The following FGF14 variants were observed in gnomAD, a reference collection of about 807,000 sequenced individuals.
The protein encoded by FGF14 is fibroblast growth factor homologous factor 4.
A neutral mutation model predicts 25.5 loss-of-function variants in FGF14; 5 were observed. The observed-to-expected ratio is 0.20, with a 90% confidence interval of 0.10 to 0.41. The LOEUF (loss-of-function observed/expected upper bound fraction) is 0.41. FGF14 is among the 10% of genes least tolerant of loss of function. The pLI is 1.00. For missense variants in FGF14, 222 were observed against 320.1 expected (o/e 0.69, Z 2.34); for synonymous variants, 138 against 118.3 (o/e 1.17, Z -1.08).
At chr13:102,125,981 C>T (rs570177238) in intron 1 of FGF14, among the ~76,000 whole-genome samples, 2 of 152,222 alleles carry the variant, frequency 1.3e-5, no homozygotes, top group African/African-American at 4.8e-5. Context: ...TTACTTCTCA[C>T]CCAAACCAGC....
At chr13:102,037,512 A>G (rs1018265519) in intron 1 of FGF14, among the ~76,000 whole-genome samples, 9 of 152,106 alleles carry the variant, frequency 5.9e-5, no homozygotes, top group Admixed American at 1.3e-4. Context: ...AATCCAGGAA[A>G]ATCTCCCTAT....
At chr13:102,235,207 AT>A (rs1303989263) in intron 1 of FGF14, among the ~76,000 whole-genome samples, 1 of 152,188 alleles carries the variant, frequency 6.6e-6, no homozygotes, top group Non-Finnish European at 1.5e-5. Context: ...ATCTATTTAT[AT>A]TTTTCTGTAA....
At chr13:101,930,680 T>C (rs1022292800) in intron 1 of FGF14, among the ~76,000 whole-genome samples, 2 of 152,224 alleles carry the variant, frequency 1.3e-5, no homozygotes, top group African/African-American at 4.8e-5. Context: ...CATATCATTG[T>C]AGATTCAAAC....
At chr13:102,252,136 T>C (rs138601575) in intron 1 of FGF14, among the ~76,000 whole-genome samples, 155 of 152,108 alleles carry the variant, frequency 1.0e-3, no homozygotes, top group African/African-American at 3.5e-3. Flanking sequence ...TGCAACCAAA[T>C]AGAAAAAGAA....
intron 1 of FGF14, among the ~76,000 whole-genome samples, chr13:102,314,520 G>A (rs2055925850): frequency 1.3e-5 from 2 of 152,040 alleles, no homozygotes; most frequent in African/African-American, 4.8e-5. Context: ...TACTGTACTA[G>A]ATACAAGGAT....
intron 1 of FGF14, among the ~76,000 whole-genome samples, chr13:102,396,196 A>T (rs2058578994): frequency 6.6e-6 from 1 of 152,102 alleles, no homozygotes; most frequent in South Asian, 2.1e-4. Context: ...CCCTGTCCCT[A>T]TTTACAGGAG....
intron 1 of FGF14, among the ~76,000 whole-genome samples, chr13:102,176,156 T>C (rs2048440995): frequency 6.6e-6 from 1 of 152,108 alleles, no homozygotes; most frequent in South Asian, 2.1e-4. Context: ...AGCAAAGCCA[T>C]GAAGTCAACC....
chr13:102,236,570 G>A (rs2051336680), intron 1 of FGF14, among the ~76,000 whole-genome samples: 1 of 152,110 alleles, frequency 6.6e-6, no homozygotes, highest in Admixed American at 6.5e-5. Context: ...ACAAGTGAGT[G>A]GAGTTTTCCA....
chr13:102,295,421 GC>G (rs1324394001), intron 1 of FGF14, among the ~76,000 whole-genome samples: 1 of 152,138 alleles, frequency 6.6e-6, no homozygotes, highest in African/African-American at 2.4e-5. Context: ...CCCCTTAGCA[GC>G]CTTAAGTTTT....
At chr13:101,943,648 A>C (rs2035592377) in intron 1 of FGF14, among the ~76,000 whole-genome samples, 1 of 152,052 alleles carries the variant, frequency 6.6e-6, no homozygotes, top group South Asian at 2.1e-4. Context: ...ACACTTGCAC[A>C]AACTCCGTAA....
chr13:101,879,660 C>A (rs896535164), intron 1 of FGF14, among the ~76,000 whole-genome samples: 1 of 152,068 alleles, frequency 6.6e-6, no homozygotes, highest in African/African-American at 2.4e-5. Context: ...AATGTATATA[C>A]ATCATACGAA....
intron 1 of FGF14, among the ~76,000 whole-genome samples, chr13:102,140,606 C>G (rs1476708919): frequency 2.6e-5 from 4 of 151,866 alleles, no homozygotes; most frequent in Non-Finnish European, 5.9e-5. Context: ...ATAGGAAAAT[C>G]CAAGGTATTT....
chr13:101,927,088 C>T (rs746216157), intron 1 of FGF14, among the ~76,000 whole-genome samples: 3 of 152,088 alleles, frequency 2.0e-5, no homozygotes, highest in African/African-American at 7.2e-5. Flanking sequence ...TCCTTCACCC[C>T]TTTTGGCCTT....
At chr13:102,375,799 G>C (rs905999424) in intron 1 of FGF14, among the ~76,000 whole-genome samples, 4 of 152,070 alleles carry the variant, frequency 2.6e-5, no homozygotes, top group Non-Finnish European at 5.9e-5. Flanking sequence ...TTCCAATCTT[G>C]TTCCTTAAAA....
intron 1 of FGF14, among the ~76,000 whole-genome samples, chr13:101,930,070 G>T (rs1467708962): frequency 6.6e-6 from 1 of 152,178 alleles, no homozygotes; most frequent in African/African-American, 2.4e-5. Context: ...TAACGTGAGA[G>T]CTTATTCTAT....
chr13:102,110,625 G>A (rs1472845382), intron 1 of FGF14, among the ~76,000 whole-genome samples: 1 of 152,096 alleles, frequency 6.6e-6, no homozygotes, highest in African/African-American at 2.4e-5. Flanking sequence ...AGCATTTACA[G>A]AACAAGTGTG....
At chr13:102,349,821 T>C (rs118135452) in intron 1 of FGF14, among the ~76,000 whole-genome samples, 2,697 of 152,302 alleles carry the variant, frequency 0.018, 36 homozygotes, top group Non-Finnish European at 0.026. Flanking sequence ...ATATGGGAAA[T>C]TGTGGTGCAA....
chr13:102,387,529 CCTT>C (rs2058332857), intron 1 of FGF14, among the ~76,000 whole-genome samples: 3 of 151,966 alleles, frequency 2.0e-5, no homozygotes, highest in Admixed American at 6.6e-5. Context: ...CATTTTCAGT[CCTT>C]CTTAGTTGCA....
chr13:101,955,147 G>A (rs1186425218), intron 1 of FGF14, among the ~76,000 whole-genome samples: 1 of 152,222 alleles, frequency 6.6e-6, no homozygotes, highest in African/African-American at 2.4e-5. Flanking sequence ...GATCTAGCAA[G>A]CCAGAATGAG....
Sources: gnomAD v4.1 joint callset for allele counts (sites outside exome capture counted in the v4.1 genomes callset) on GRCh38, gnomAD v4.1.1 for gene constraint, MANE v1.5 for transcripts, NCBI Gene and HGNC (gene_info 2026-07-23, HGNC 2026-07-21) for gene names.